Variants in NPHS2 observed in about 807,000 individuals in gnomAD.
NPHS2 encodes the protein podocin.
NPHS2 carries 36 observed loss-of-function variants against 37.1 expected under a neutral mutation model. That is an observed-to-expected ratio of 0.97 (90% CI 0.74 to 1.28). The LOEUF is 1.28. Among genes scored for constraint, NPHS2 ranks in the 50% most tolerant of loss-of-function variants. The pLI is 0.00. For missense variants in NPHS2, 447 were observed against 488.1 expected (o/e 0.92, Z 0.79); for synonymous variants, 196 against 189.3 (o/e 1.04, Z -0.29).
chr1:179,551,177 A>G lies in NPHS2; in HGVS notation c.1148T>C (p.Leu383Ser). The change falls in exon 8 of 8, where the codon TTA (leucine) becomes TCA (serine). Residue 383 changes from leucine to serine, a missense_variant. Physicochemically the swap from Leu to Ser is moderately radical, Grantham distance 145. Coordinates refer to ENST00000367615, the MANE Select transcript of NPHS2 (RefSeq NM_014625.4). ...TCACATTATGCCCCATCCTTCCTAT[A>G]ACATGGGAGAGTCTTTCTTTTTAGG... is the stretch of plus-strand genomic sequence containing the variant. The part of the protein sequence containing the change: ...LNPKKKDSPM[L>S] The G allele has an allele frequency of 3.7e-6, 6 of 1,613,988 alleles. No individual in the cohort carries two copies. The highest frequency in any genetic ancestry group is 5.1e-6 in the Non-Finnish European group (6 of 1,179,984).
rs554459494 is a variant in NPHS2, at chr1:179,559,850, A to G, written c.452-89T>C. On this transcript the variant is annotated intron_variant, in intron 3 of 7. Transcript: ENST00000367615. ...TTTCTGGGGTCAGGTTGCACACTAC[A>G]TTACTTTTCTTAGCCTCTAATTACA... 42 of 797,402 alleles carry G rather than the reference A, an allele frequency of 5.3e-5. 1 individual carries two copies. In the Admixed American group the frequency reaches 7.1e-4, roughly 14 times the overall value. 49.4% of individuals were successfully genotyped at this position (797,402 alleles called of 1,614,324 possible).
At chr1:179,568,107 G>A (rs1420049316) in intron 1 of NPHS2, among the ~76,000 whole-genome samples, 1 of 152,152 alleles carries the variant, frequency 6.6e-6, no homozygotes, top group East Asian at 1.9e-4. Context: ...TCTATTGATT[G>A]GAAGAGTTTC....
At position 179,551,382 on chromosome 1, in the gene NPHS2, T is replaced by C; in HGVS notation, c.943A>G (p.Thr315Ala). The change falls in exon 8 of 8, where the codon ACC becomes GCC. Residue 315 changes from threonine to alanine, a missense_variant. Transcript: ENST00000367615. ...LRMAAEILSG[T>A]PAAVQLRYLH... is the part of the protein sequence containing the mutation. ...TATCGAAGCTGAACGGCAGCAGGGGTGCCTGACAGAATCTCAGCTGCCATC... is the reference window on the plus strand; with the variant it reads ...TATCGAAGCTGAACGGCAGCAGGGGCGCCTGACAGAATCTCAGCTGCCATC... 6.2e-7 allele frequency: 1 copy of C among 1,613,980 alleles called. No homozygotes were observed. Among genetic ancestry groups the C allele is most frequent in the African/African-American group, 1.3e-5 (1 of 74,998 alleles).
chr1:179,554,700 G>A, intron 5 of NPHS2, 169 bp from the exon 6 acceptor site: 1 of 837,500 alleles, frequency 1.2e-6, no homozygotes, highest in South Asian at 1.5e-5. Flanking sequence ...TGTTTAACTT[G>A]CATGGTGCCA....
At chr1:179,559,569 T>C in intron 4 of NPHS2, 110 bp downstream of exon 4, 1 of 747,608 alleles carries the variant, frequency 1.3e-6, no homozygotes, top group Non-Finnish European at 2.3e-6. Flanking sequence ...TATGATGTAG[T>C]CCATATCATT....
At chr1:179,563,603 AATAAC>A (rs1479046739) in intron 2 of NPHS2, among the ~76,000 whole-genome samples, 1 of 152,254 alleles carries the variant, frequency 6.6e-6, no homozygotes, top group Non-Finnish European at 1.5e-5. Flanking sequence ...AAAGGATTGA[AATAAC>A]ATAAAGTGTA....
rs1458346142 is a variant in NPHS2, at chr1:179,554,518, G to A, written c.752C>T (p.Ser251Leu). 1 of 1,614,112 alleles carries A rather than the reference G, an allele frequency of 6.2e-7. No individual in the cohort carries two copies. The highest frequency in any genetic ancestry group is 8.5e-7 in the Non-Finnish European group (1 of 1,180,020). ...IAQDAKVALD[S>L]VTCIWGIKVE... ...TTTGATTCCCCAAATACAGGTCACT[G>A]AATCCAAGGCAACCTGTGGAAAGAA... The change falls in exon 6 of 8, where the codon TCA (serine) becomes TTA (leucine). Residue 251 changes from serine (S) to leucine (L), a missense_variant. Ser to Leu is a moderately radical substitution (Grantham distance 145). Coordinates refer to ENST00000367615, the MANE Select transcript of NPHS2 (RefSeq NM_014625.4).
Position 179,550,925 on chromosome 1 carries a change from A to C in NPHS2, c.*248T>G. 1 of 540,734 alleles carries C rather than the reference A, an allele frequency of 1.8e-6. No individual in the cohort carries two copies. Among genetic ancestry groups the C allele is most frequent in the Non-Finnish European group, 3.3e-6 (1 of 302,220 alleles). 33.5% of individuals were successfully genotyped at this position (540,734 alleles called of 1,614,324 possible). ...AGACTCAAAATTCTTTCCAAAGTAG[A>C]ATGTTGACCAAAGCTGTTTCCCATA... On this transcript the variant is annotated 3_prime_UTR_variant, in exon 8 of 8. Coordinates refer to ENST00000367615, the MANE Select transcript of NPHS2 (RefSeq NM_014625.4).
chr1:179,572,124 T>TCGACACA (rs1674588529), intron 1 of NPHS2, among the ~76,000 whole-genome samples: 1 of 152,196 alleles, frequency 6.6e-6, no homozygotes. Context: ...CAGTTGGAAA[T>TCGACACA]GCAGAAATCA....
In NPHS2 at chr1:179,575,798, C is replaced by T; in HGVS notation, c.67G>A (p.Glu23Lys). 6.7e-7 allele frequency: 1 copy of T among 1,484,398 alleles called. No individual in the cohort carries two copies. Among genetic ancestry groups the T allele is most frequent in the Non-Finnish European group, 8.9e-7 (1 of 1,123,084 alleles). The allele number at this position is 1,484,398 out of a possible 1,614,324, so 92.0% of individuals were successfully genotyped here. Reference protein sequence around the residue: ...RGRGGRTPHKENKRAKAERSG... With the variant: ...RGRGGRTPHKKNKRAKAERSG... ...CTCTCGGCCTTTGCCCTCTTGTTCT[C>T]CTTGTGCGGAGTCCTGCCGCCTCGC... The change falls in exon 1 of 8, where the codon GAG becomes AAG. Residue 23 changes from glutamate (E) to lysine (K), a missense_variant. Transcript: ENST00000367615.
chr1:179,572,686 G>T (rs975290211), intron 1 of NPHS2, among the ~76,000 whole-genome samples: 18 of 152,308 alleles, frequency 1.2e-4, no homozygotes, highest in Non-Finnish European at 5.9e-5. Flanking sequence ...AGTTTAAAAA[G>T]ATCGTAGAGG....
At chr1:179,555,961 A>G (rs762693026) in intron 5 of NPHS2, among the ~76,000 whole-genome samples, 5 of 152,172 alleles carry the variant, frequency 3.3e-5, no homozygotes, top group Non-Finnish European at 7.3e-5. Flanking sequence ...CCAACTTGCA[A>G]TGGTTTGACA....
At chr1:179,555,034 C>G (rs1437745266) in intron 5 of NPHS2, among the ~76,000 whole-genome samples, 2 of 152,188 alleles carry the variant, frequency 1.3e-5, no homozygotes, top group Admixed American at 6.5e-5. Context: ...GAAATGCAGG[C>G]AGCCACCAGA....
intron 2 of NPHS2, among the ~76,000 whole-genome samples, chr1:179,563,737 A>G (rs1674234708): frequency 6.6e-6 from 1 of 152,236 alleles, no homozygotes; most frequent in Non-Finnish European, 1.5e-5. Flanking sequence ...AGAAATCACA[A>G]GGAAAATGAG....
At chr1:179,551,539 T>G in intron 7 of NPHS2, 88 bp from the exon 8 acceptor site, 1 of 1,490,468 alleles carries the variant, frequency 6.7e-7, no homozygotes, top group Non-Finnish European at 9.3e-7. Flanking sequence ...AGACAAGCAC[T>G]GAGCATCTAC....
In NPHS2 at chr1:179,575,694, G is replaced by A; in HGVS notation, c.171C>T (p.Pro57=). The A allele has an allele frequency of 6.3e-7, 1 of 1,582,876 alleles. No individual in the cohort carries two copies. The highest frequency in any genetic ancestry group is 8.5e-7 in the Non-Finnish European group (1 of 1,170,236). The part of the protein sequence containing the change: ...GSGRAGTPGE[P]RAPAATVVDV... Reference sequence around the variant, plus strand: ...CCACCACCGTGGCGGCGGGCGCTCGGGGCTCCCCCGGGGTCCCCGCCCGTC... The same window carrying A: ...CCACCACCGTGGCGGCGGGCGCTCGAGGCTCCCCCGGGGTCCCCGCCCGTC... The change falls in exon 1 of 8, where the codon CCC becomes CCT. Residue 57 remains proline, a synonymous_variant. Coordinates refer to ENST00000367615, the MANE Select transcript of NPHS2 (RefSeq NM_014625.4).
chr1:179,551,917 C>T (rs2125768212), intron 7 of NPHS2: 1 of 187,898 alleles, frequency 5.3e-6, no homozygotes, highest in East Asian at 1.4e-4. Flanking sequence ...AAGCAACTGC[C>T]CTGGGGACTA....
rs1673157805 is a variant in NPHS2 at position 179,550,954 on chromosome 1, G to T, written c.*219C>A. 1.7e-6 allele frequency: 1 copy of T among 595,576 alleles called. No homozygotes were observed. Among genetic ancestry groups the T allele is most frequent in the Admixed American group, 2.9e-5 (1 of 34,554 alleles). The allele number at this position is 595,576 out of a possible 1,614,324, so 36.9% of individuals were successfully genotyped here. ...TTGACCAAAGCTGTTTCCCATAATTGCTCTGACTAGATGAGTCACGGAAAC... is the reference window on the plus strand; with the variant it reads ...TTGACCAAAGCTGTTTCCCATAATTTCTCTGACTAGATGAGTCACGGAAAC... On this transcript the variant is annotated 3_prime_UTR_variant, in exon 8 of 8. Transcript: ENST00000367615.
At chr1:179,561,221 T>G in intron 3 of NPHS2, 68 bp downstream of exon 3, 4 of 1,083,420 alleles carry the variant, frequency 3.7e-6, no homozygotes, top group Non-Finnish European at 5.8e-6. Flanking sequence ...ATATTACAAA[T>G]CTGCATGGGT....
Sources: gnomAD v4.1 joint callset for allele counts (sites outside exome capture counted in the v4.1 genomes callset) on GRCh38, gnomAD v4.1.1 for gene constraint, MANE v1.5 for transcripts, NCBI Gene and HGNC (gene_info 2026-07-23, HGNC 2026-07-21) for gene names.